The following NRXN3 variants were observed in gnomAD, a reference collection of about 807,000 sequenced individuals.
NRXN3 encodes the protein neurexin III.
NRXN3 carries 32 observed loss-of-function variants against 137.6 expected under a neutral mutation model. The ratio of observed to expected loss-of-function variants is 0.23; its 90% CI spans 0.18 to 0.31. NRXN3 has a LOEUF of 0.31. Ranked by LOEUF, NRXN3 falls within the 10% of genes least tolerant of loss-of-function variation. The pLI is 1.00. For synonymous variants in NRXN3, 798 were observed against 784.5 expected (o/e 1.02, Z -0.29); for missense variants, 1,574 against 2,062.5 (o/e 0.76, Z 4.59).
At chr14:78,300,189 T>G (rs779660341) in intron 4 of NRXN3, among the ~76,000 whole-genome samples, 7 of 152,272 alleles carry the variant, frequency 4.6e-5, no homozygotes, top group African/African-American at 7.2e-5. Context: ...GTATGTTGTG[T>G]GTACAACACC....
intron 16 of NRXN3, among the ~76,000 whole-genome samples, chr14:79,560,504 C>CTTGTTTTTTTTTTT (rs2097482002): frequency 1.1e-4 from 5 of 43,770 alleles, no homozygotes; most frequent in Non-Finnish European, 2.0e-4. Context: ...AGATTGTAAG[C>CTTGTTTTTTTTTTT]TTTTTTTTTT....
In NRXN3 at chr14:79,641,061, G is replaced by A. The variant is rs1178451579; in HGVS notation, c.3445-22717G>A. Among the ~76,000 whole-genome samples, 2 of 133,716 alleles carry A rather than the reference G, an allele frequency of 1.5e-5. 1 individual carries two copies. Among genetic ancestry groups the A allele is most frequent in the Non-Finnish European group, 3.5e-5 (2 of 57,574 alleles). The allele number at this position is 133,716 out of a possible 152,430, so 87.7% of individuals were successfully genotyped here. ...CTCGCTCTGTCTCCCAGGCTGGAGT[G>A]CAGTGGTACAATCTCGGCTCACTGT... On this transcript the variant is annotated intron_variant, in intron 16 of 20. Transcript: ENST00000335750.
At chr14:78,653,873 T>A (rs1302158602) in intron 6 of NRXN3, among the ~76,000 whole-genome samples, 38 of 152,170 alleles carry the variant, frequency 2.5e-4, no homozygotes, top group Admixed American at 2.4e-3. Context: ...GTGATGTCAA[T>A]ATATCCTTAT....
rs143007195 is a variant in NRXN3, at chr14:79,371,361, A to G, written c.3263-95860A>G. 8.5e-5 allele frequency among the ~76,000 whole-genome samples: 13 copies of G among 152,222 alleles called. No homozygotes were observed. The East Asian group carries it at 2.5e-3, about 29-fold the overall frequency. On this transcript the variant is annotated intron_variant, in intron 15 of 20. Transcript: ENST00000335750. Reference sequence around the variant, plus strand: ...TCTGCCTTCTGGCAGACAGTAGGCTATTTCTTTTAGGTGGGTATCTAGGAA... The same window carrying G: ...TCTGCCTTCTGGCAGACAGTAGGCTGTTTCTTTTAGGTGGGTATCTAGGAA...
intron 16 of NRXN3, among the ~76,000 whole-genome samples, chr14:79,606,237 AAAAT>A (rs970405812): frequency 2.3e-4 from 35 of 152,200 alleles, no homozygotes; most frequent in African/African-American, 8.2e-4. Context: ...CATGAAGGCC[AAAAT>A]AAATAAATAA....
At chr14:79,070,081 C>T (rs116642762) in intron 15 of NRXN3, among the ~76,000 whole-genome samples, 1,842 of 152,186 alleles carry the variant, frequency 0.012, 35 homozygotes, top group African/African-American at 0.043. Flanking sequence ...AAACCAATGT[C>T]ACATCAAATT....
rs140462070 is a variant in NRXN3, at chr14:79,638,485, G to A, written c.3445-25293G>A. Among the ~76,000 whole-genome samples the A allele has an allele frequency of 6.8e-3, 1,035 of 152,126 alleles. 12 individuals are homozygous for A. Among genetic ancestry groups the A allele is most frequent in the Middle Eastern group, 0.044 (13 of 294 alleles). On this transcript the variant is annotated intron_variant, in intron 16 of 20. Coordinates refer to ENST00000335750, the MANE Select transcript of NRXN3 (RefSeq NM_001330195.2). Reference sequence around the variant, plus strand: ...ATTGAAAATTCAGGTCTGTCAAACTGTAATACCCAGGTTCTTTCTGTTTGA... The same window carrying A: ...ATTGAAAATTCAGGTCTGTCAAACTATAATACCCAGGTTCTTTCTGTTTGA...
intron 16 of NRXN3, among the ~76,000 whole-genome samples, chr14:79,600,884 G>T (rs2097914268): frequency 6.6e-6 from 1 of 151,724 alleles, no homozygotes; most frequent in South Asian, 2.1e-4. Context: ...GAAAGAAAAA[G>T]GAAGGAAGAC....
intron 19 of NRXN3, among the ~76,000 whole-genome samples, chr14:79,737,461 A>G (rs2098945995): frequency 6.6e-6 from 1 of 152,232 alleles, no homozygotes; most frequent in Non-Finnish European, 1.5e-5. Context: ...AACATTAACT[A>G]TAGTGGTATA....
chr14:78,709,662 A>G lies in NRXN3; in HGVS notation c.1660+7A>G, dbSNP rs1217009614. ...CAGCGAGATGGCAGATCAGGTAGGA[A>G]GAGGCAGGATGTGTGACTGAGACTA... On this transcript the variant is annotated splice_region_variant and intron_variant, in intron 7 of 20. Coordinates refer to ENST00000335750, the MANE Select transcript of NRXN3 (RefSeq NM_001330195.2). 3.1e-6 allele frequency: 5 copies of G among 1,605,562 alleles called. No homozygotes were observed. In the African/African-American group the frequency reaches 6.7e-5, roughly 21 times the overall value.
At chr14:79,448,903 G>A (rs1184872902) in intron 15 of NRXN3, among the ~76,000 whole-genome samples, 1 of 152,104 alleles carries the variant, frequency 6.6e-6, no homozygotes, top group African/African-American at 2.4e-5. Flanking sequence ...ATGAAGTGAG[G>A]GAAAGTGAGC....
In NRXN3 at chr14:78,223,776, G is replaced by A. The variant is rs542753971; in HGVS notation, c.-703-18615G>A. ...TTGGGAGGGCTGGACATGCTGACCT[G>A]GGACAGGATCAGGAATTCTGAAAAT... On this transcript the variant is annotated intron_variant, in intron 1 of 20. Transcript: ENST00000335750. Among the ~76,000 whole-genome samples, 13 of 152,294 alleles carry A rather than the reference G, an allele frequency of 8.5e-5. No individual in the cohort carries two copies. The South Asian group carries it at 1.2e-3, about 15-fold the overall frequency.
In NRXN3 at chr14:79,642,666, G is replaced by T. The variant is rs1317167437; in HGVS notation, c.3445-21112G>T. On this transcript the variant is annotated intron_variant, in intron 16 of 20. Coordinates refer to ENST00000335750, the MANE Select transcript of NRXN3 (RefSeq NM_001330195.2). ...AGTACACCATGTATATAATGTGTAA[G>T]CCTGCCTCAGTTTTCTTCATGGTGG... 1.5e-5 allele frequency among the ~76,000 whole-genome samples: 2 copies of T among 134,974 alleles called. 1 individual carries two copies. Among genetic ancestry groups the T allele is most frequent in the Non-Finnish European group, 3.4e-5 (2 of 58,026 alleles). 88.5% of individuals were successfully genotyped at this position (134,974 alleles called of 152,430 possible).
At chr14:78,595,485 A>C (rs966519182) in intron 4 of NRXN3, among the ~76,000 whole-genome samples, 1 of 152,076 alleles carries the variant, frequency 6.6e-6, no homozygotes, top group Non-Finnish European at 1.5e-5. Flanking sequence ...AGCAAGGTAG[A>C]CTGGGGGGTG....
At chr14:79,051,343 C>G (rs1208097088) in intron 15 of NRXN3, among the ~76,000 whole-genome samples, 1 of 152,112 alleles carries the variant, frequency 6.6e-6, no homozygotes, top group Non-Finnish European at 1.5e-5. Context: ...ATTATCACAA[C>G]TCAACAAAAA....
At chr14:79,568,212 A>C (rs2097567639) in intron 16 of NRXN3, among the ~76,000 whole-genome samples, 1 of 152,118 alleles carries the variant, frequency 6.6e-6, no homozygotes, top group African/African-American at 2.4e-5. Context: ...GAGCACCTTG[A>C]TTTGGGATAT....
chr14:79,599,428 T>A (rs946579374), intron 16 of NRXN3, among the ~76,000 whole-genome samples: 3 of 152,162 alleles, frequency 2.0e-5, no homozygotes, highest in African/African-American at 7.2e-5. Flanking sequence ...CCTTCTCTCT[T>A]AAGTAATAGT....
At chr14:78,916,324 G>A (rs1309847064) in intron 10 of NRXN3, among the ~76,000 whole-genome samples, 17 of 152,296 alleles carry the variant, frequency 1.1e-4, no homozygotes, top group African/African-American at 3.6e-4. Flanking sequence ...AGCTAGTGAT[G>A]AGTTTCTCTG....
intron 15 of NRXN3, among the ~76,000 whole-genome samples, chr14:79,348,790 A>G (rs1477712616): frequency 2.0e-5 from 3 of 152,212 alleles, no homozygotes; most frequent in Admixed American, 1.3e-4. Context: ...ACCAAGAAGT[A>G]TATAGAATTG....
Sources: allele counts gnomAD v4.1 joint callset (sites outside exome capture counted in the v4.1 genomes callset), GRCh38; gene constraint gnomAD v4.1.1; transcripts MANE v1.5; gene names NCBI Gene and HGNC (gene_info 2026-07-23, HGNC 2026-07-21).